BAIAP2L2: variants seen among roughly 807,000 people sequenced by gnomAD.
The protein encoded by BAIAP2L2 is BAR/IMD domain containing adaptor protein 2 like 2, also known as BAR/IMD domain-containing adapter protein 2-like 2.
BAIAP2L2 carries 65 observed loss-of-function variants against 60.4 expected under a neutral mutation model. That is an observed-to-expected ratio of 1.08 (90% CI 0.88 to 1.32). The LOEUF is 1.32. BAIAP2L2 is among the 40% of genes most tolerant of loss of function. BAIAP2L2 has a pLI of 0.00. For missense variants in BAIAP2L2, 836 were observed against 741.2 expected (o/e 1.13, Z -1.48); for synonymous variants, 344 against 301.7 (o/e 1.14, Z -1.45).
At chr22:38,088,452 G>T (rs2086166293) in intron 10 of BAIAP2L2, among the ~76,000 whole-genome samples, 1 of 152,234 alleles carries the variant, frequency 6.6e-6, no homozygotes, top group Admixed American at 6.5e-5. Flanking sequence ...CAGGCACACA[G>T]TAGGTGCTCA....
intron 6 of BAIAP2L2, 60 bp from the exon 7 acceptor site, chr22:38,097,238 G>T: frequency 6.3e-7 from 1 of 1,576,188 alleles, no homozygotes; most frequent in Non-Finnish European, 8.7e-7. Context: ...CACCCCCCTC[G>T]CCCACAGGCG....
At chr22:38,085,438 G>T in intron 13 of BAIAP2L2, 63 bp from the exon 14 acceptor site, 1 of 1,551,116 alleles carries the variant, frequency 6.4e-7, no homozygotes, top group Non-Finnish European at 8.9e-7. Context: ...CCATGGCTCA[G>T]GAAGGCAGCT....
rs780360460 is a variant in BAIAP2L2, at chr22:38,088,858, C to T, written c.1008G>A (p.Ser336=). ...GCAGCAGCGTGTGGTTGGCGCCCTCCGAGTGGGAGACCAGGGCGCGGACTC... is the reference window on the plus strand; with the variant it reads ...GCAGCAGCGTGTGGTTGGCGCCCTCTGAGTGGGAGACCAGGGCGCGGACTC... ...ARRVRALVSH[S]EGANHTLLRF... is the part of the protein sequence containing the mutation. The change falls in exon 10 of 14, where the codon TCG becomes TCA. Residue 336 remains serine, a synonymous_variant. Transcript: ENST00000381669. The T allele has an allele frequency of 1.3e-6, 2 of 1,596,310 alleles. No individual in the cohort carries two copies. The highest frequency in any genetic ancestry group is 1.1e-5 in the South Asian group (1 of 90,370).
intron 9 of BAIAP2L2, 41 bp downstream of exon 9, chr22:38,089,055 C>G (rs1323995269): frequency 7.2e-6 from 10 of 1,389,578 alleles, no homozygotes; most frequent in Admixed American, 3.4e-5. Context: ...ACCCCCGCGC[C>G]TCTCCCGGCC....
chr22:38,098,029 T>G, intron 6 of BAIAP2L2, 34 bp downstream of exon 6: 275 of 660,868 alleles, frequency 4.2e-4, no homozygotes, highest in Non-Finnish European at 6.8e-4. Flanking sequence ...CCACCCGCCC[T>G]TCCTGGCCCA....
intron 4 of BAIAP2L2, among the ~76,000 whole-genome samples, chr22:38,104,709 G>A (rs1412879902): frequency 6.6e-6 from 1 of 152,086 alleles, no homozygotes; most frequent in African/African-American, 2.4e-5. Context: ...TGTTAGCCAG[G>A]ATGGTCTTGA....
chr22:38,088,598 G>A, intron 10 of BAIAP2L2, 150 bp downstream of exon 10: 1 of 745,994 alleles, frequency 1.3e-6, no homozygotes, highest in Non-Finnish European at 2.1e-6. Context: ...TGAGGAAACT[G>A]AGGCAGGGTG....
chr22:38,096,249 C>T (rs549986924), intron 7 of BAIAP2L2, among the ~76,000 whole-genome samples: 1 of 152,286 alleles, frequency 6.6e-6, no homozygotes, highest in African/African-American at 2.4e-5. Context: ...AAACGCCAAA[C>T]AACATGGCAG....
intron 7 of BAIAP2L2, among the ~76,000 whole-genome samples, chr22:38,091,748 C>A (rs2086307446): frequency 2.0e-5 from 3 of 152,036 alleles, no homozygotes; most frequent in South Asian, 4.1e-4. Flanking sequence ...ATGATAATGG[C>A]AAACTGGCTA....
At chr22:38,102,963 G>A (rs1373604597) in intron 4 of BAIAP2L2, among the ~76,000 whole-genome samples, 3 of 151,158 alleles carry the variant, frequency 2.0e-5, no homozygotes, top group Admixed American at 1.3e-4. Flanking sequence ...GGAGAATGGC[G>A]TGAACCTGGG....
rs2086735524 is a variant in BAIAP2L2 at position 38,109,182 on chromosome 22, G to A, written c.78C>T (p.Ala26=). The A allele has an allele frequency of 2.5e-6, 4 of 1,613,142 alleles. No individual in the cohort carries two copies. Among genetic ancestry groups the A allele is most frequent in the Non-Finnish European group, 2.5e-6 (3 of 1,179,566 alleles). The change falls in exon 2 of 14, where the codon GCC becomes GCT. Residue 26 remains alanine, a synonymous_variant. Coordinates refer to ENST00000381669, the MANE Select transcript of BAIAP2L2 (RefSeq NM_025045.6). ...YKSIMEQFNP[A]LENLVYLGNN... ...TGCCCAGGTACACCAGGTTCTCCAG[G>A]GCGGGGTTAAACTGCTCCATGATGC...
intron 4 of BAIAP2L2, among the ~76,000 whole-genome samples, chr22:38,106,257 G>A (rs758449627): frequency 1.3e-5 from 2 of 152,098 alleles, no homozygotes; most frequent in Admixed American, 6.5e-5. Context: ...GGTGGCTCAC[G>A]GCTGTAATCC....
At chr22:38,096,728 A>G (rs2086437878) in intron 7 of BAIAP2L2, among the ~76,000 whole-genome samples, 1 of 152,246 alleles carries the variant, frequency 6.6e-6, no homozygotes, top group African/African-American at 2.4e-5. Flanking sequence ...TGAATTTGTG[A>G]ATTGTGAGAA....
Position 38,110,387 on chromosome 22 carries a change from C to T in BAIAP2L2, c.51+88G>A, listed in dbSNP as rs141729657. On this transcript the variant is annotated intron_variant, in intron 1 of 13. Coordinates refer to ENST00000381669, the MANE Select transcript of BAIAP2L2 (RefSeq NM_025045.6). ...TCCCTTTCCAGGACATCTGTAGCCC[C>T]GGCTGGCCCTCCGTCCTCCAGAGCG... 6.5e-4 allele frequency: 872 copies of T among 1,349,316 alleles called. 2 individuals carry two copies. The African/African-American group carries it at 0.01, about 16-fold the overall frequency. 83.6% of individuals were successfully genotyped at this position (1,349,316 alleles called of 1,614,324 possible). A position where few individuals can be genotyped will look rare whatever the true frequency, so the allele number is the denominator to read the frequency against.
chr22:38,102,898 T>C (rs1243489704), intron 4 of BAIAP2L2, among the ~76,000 whole-genome samples: 5 of 151,124 alleles, frequency 3.3e-5, no homozygotes, highest in Non-Finnish European at 1.5e-5. Flanking sequence ...AAAAAAAAAT[T>C]AGCCCGGCAT....
Position 38,110,681 on chromosome 22 carries a change from T to G in BAIAP2L2, c.-156A>C, listed in dbSNP as rs9622726. 55 of 588,724 alleles carry G rather than the reference T, an allele frequency of 9.3e-5. No homozygotes were observed. In the East Asian group the frequency reaches 1.5e-3, roughly 16 times the overall value. 36.5% of individuals were successfully genotyped at this position (588,724 alleles called of 1,614,324 possible). A position where few individuals can be genotyped will look rare whatever the true frequency, so the allele number is the denominator to read the frequency against. On this transcript the variant is annotated 5_prime_UTR_variant, in exon 1 of 14. Transcript: ENST00000381669. Reference sequence around the variant, plus strand: ...GAGATGGAGGCCTGCCTCAGAGGAGTGGCAGCTTAATTATTCACCAACTCG... The same window carrying G: ...GAGATGGAGGCCTGCCTCAGAGGAGGGGCAGCTTAATTATTCACCAACTCG...
intron 4 of BAIAP2L2, among the ~76,000 whole-genome samples, chr22:38,106,746 TG>T (rs1243877367): frequency 6.6e-6 from 1 of 152,164 alleles, no homozygotes; most frequent in Non-Finnish European, 1.5e-5. Flanking sequence ...GGCTCATGCC[TG>T]CCTGCTGCCC....
chr22:38,095,642 G>C (rs1368059353), intron 7 of BAIAP2L2, among the ~76,000 whole-genome samples: 1 of 152,108 alleles, frequency 6.6e-6, no homozygotes, highest in East Asian at 1.9e-4. Context: ...TGGGGTTACT[G>C]GTGTGAGCCA....
At chr22:38,109,493 T>C (rs1250896840) in intron 1 of BAIAP2L2, among the ~76,000 whole-genome samples, 2 of 152,130 alleles carry the variant, frequency 1.3e-5, no homozygotes, top group Admixed American at 1.3e-4. Context: ...CCTCCCGAGA[T>C]GGTGCACCTG....
Sources: allele counts gnomAD v4.1 joint callset (sites outside exome capture counted in the v4.1 genomes callset), GRCh38; gene constraint gnomAD v4.1.1; transcripts MANE v1.5; gene names NCBI Gene and HGNC (gene_info 2026-07-23, HGNC 2026-07-21).